Variants in CSMD2 observed in about 807,000 individuals in gnomAD.
The protein encoded by CSMD2 is CUB and Sushi multiple domains 2, also known as CUB and sushi domain-containing protein 2.
In CSMD2, 130 loss-of-function variants were observed where a neutral mutation model predicts 398.5. The ratio of observed to expected loss-of-function variants is 0.33; its 90% CI spans 0.28 to 0.38. The LOEUF (loss-of-function observed/expected upper bound fraction) is 0.38. CSMD2 is among the 10% of genes least tolerant of loss of function. The pLI is 1.00. For missense variants in CSMD2, 3,829 were observed against 4,764.9 expected (o/e 0.80, Z 5.78); for synonymous variants, 1,828 against 1,908.5 (o/e 0.96, Z 1.10).
Position 33,515,587 on chromosome 1 carries a change from C to A in CSMD2, c.*1037G>T, listed in dbSNP as rs79776986. 2 of 152,352 alleles carry A rather than the reference C, an allele frequency of 1.3e-5. No homozygotes were observed. The highest frequency in any genetic ancestry group is 2.1e-4 in the South Asian group (1 of 4,828). 9.4% of individuals were successfully genotyped at this position (152,352 alleles called of 1,614,324 possible). A position where few individuals can be genotyped will look rare whatever the true frequency, so the allele number is the denominator to read the frequency against. On this transcript the variant is annotated 3_prime_UTR_variant, in exon 71 of 71. Coordinates refer to ENST00000373381, the MANE Select transcript of CSMD2 (RefSeq NM_001281956.2). ...TTTCTCATCTGTCAAAGGGGAATAACAAATCCTACATTTTGGTGTTATTGT... is the reference window on the plus strand; with the variant it reads ...TTTCTCATCTGTCAAAGGGGAATAAAAAATCCTACATTTTGGTGTTATTGT...
At chr1:33,672,152 G>C (rs1041998186) in intron 25 of CSMD2, among the ~76,000 whole-genome samples, 2 of 152,210 alleles carry the variant, frequency 1.3e-5, no homozygotes, top group Non-Finnish European at 2.9e-5. Context: ...CACCGTGTGT[G>C]AGCCGAAGCA....
At chr1:33,864,146 C>T (rs1639771308) in intron 5 of CSMD2, 2 of 1,529,294 alleles carry the variant, frequency 1.3e-6, no homozygotes, top group South Asian at 1.3e-5. Context: ...ACAACAGTCT[C>T]TCCTGTCCAC....
At chr1:34,091,952 T>A (rs1331302283) in intron 1 of CSMD2, among the ~76,000 whole-genome samples, 2 of 152,174 alleles carry the variant, frequency 1.3e-5, no homozygotes, top group Admixed American at 1.3e-4. Context: ...GGTTTGTAGA[T>A]GATACATTAA....
At chr1:33,918,058 G>A (rs1346302303) in intron 5 of CSMD2, 36 bp downstream of exon 5, 2 of 1,590,930 alleles carry the variant, frequency 1.3e-6, no homozygotes, top group Admixed American at 1.7e-5. Flanking sequence ...CAGTTGCAGA[G>A]AATAGGGTAG....
rs181289895 is a variant in CSMD2, at chr1:33,836,379, C to T, written c.1033+10505G>A. On this transcript the variant is annotated intron_variant, in intron 6 of 70. Coordinates refer to ENST00000373381, the MANE Select transcript of CSMD2 (RefSeq NM_001281956.2). Reference sequence around the variant, plus strand: ...GCTGCGTGCTGGGAGAACCACTACTCTCTTCAAAGCTGTCAGACAGGGACA... The same window carrying T: ...GCTGCGTGCTGGGAGAACCACTACTTTCTTCAAAGCTGTCAGACAGGGACA... Among the ~76,000 whole-genome samples the T allele has an allele frequency of 6.1e-3, 935 of 152,350 alleles. 8 individuals are homozygous for T. The highest frequency in any genetic ancestry group is 9.9e-3 in the Non-Finnish European group (672 of 68,030).
intron 4 of CSMD2, among the ~76,000 whole-genome samples, chr1:33,930,208 A>G (rs1644267042): frequency 6.6e-6 from 1 of 152,226 alleles, no homozygotes; most frequent in African/African-American, 2.4e-5. Flanking sequence ...GTTGTTGAGT[A>G]GCCAAGTGAA....
chr1:33,667,896 C>A (rs1644367424), intron 25 of CSMD2, among the ~76,000 whole-genome samples: 1 of 152,188 alleles, frequency 6.6e-6, no homozygotes, highest in Admixed American at 6.5e-5. Flanking sequence ...GTGAAGATGA[C>A]AGACAGGGTG....
At position 33,540,599 on chromosome 1, in the gene CSMD2, T is replaced by C. The variant is rs1292880045; in HGVS notation, c.9557A>G (p.Tyr3186Cys). Residue 3186 changes from tyrosine (Y) to cysteine (C), a missense_variant, in exon 60 of 71, where the codon TAC (tyrosine) becomes TGC (cysteine). Tyr to Cys is a radical substitution (Grantham distance 194). This residue lies in a region of CSMD2 where 917 missense variants were observed against 1,199.5 expected (regional missense o/e 0.76). Coordinates refer to ENST00000373381, the MANE Select transcript of CSMD2 (RefSeq NM_001281956.2). ...SSVTYACLEG[Y>C]QLSLPAVFTC... is the part of the protein sequence containing the mutation. ...GAACACCGCGGGCAGGGAGAGCTGG[T>C]ACCCCTCCAGGCAGGCATAAGTCAC... is the stretch of plus-strand genomic sequence containing the variant. 6.2e-7 allele frequency: 1 copy of C among 1,614,182 alleles called. No individual in the cohort carries two copies. The highest frequency in any genetic ancestry group is 8.5e-7 in the Non-Finnish European group (1 of 1,180,042).
intron 3 of CSMD2, among the ~76,000 whole-genome samples, chr1:34,010,325 G>C (rs1339392651): frequency 6.6e-6 from 1 of 152,128 alleles, no homozygotes; most frequent in Admixed American, 6.5e-5. Flanking sequence ...GGGCCTGTAA[G>C]GGAGTTATCA....
intron 5 of CSMD2, among the ~76,000 whole-genome samples, chr1:33,916,281 G>T (rs553918037): frequency 6.6e-6 from 1 of 152,160 alleles, no homozygotes; most frequent in South Asian, 2.1e-4. Context: ...AGGTCAAAGG[G>T]GAGTACATCA....
chr1:34,035,606 C>T (rs1415214256), intron 2 of CSMD2, among the ~76,000 whole-genome samples: 1 of 151,734 alleles, frequency 6.6e-6, no homozygotes, highest in East Asian at 1.9e-4. Context: ...GTAGAAAAAT[C>T]ACATGACCAC....
At chr1:33,604,924 T>C (rs2148817799) in intron 42 of CSMD2, among the ~76,000 whole-genome samples, 1 of 152,322 alleles carries the variant, frequency 6.6e-6, no homozygotes, top group East Asian at 1.9e-4. Context: ...GGATTAACTC[T>C]ACCTCTCTAG....
intron 16 of CSMD2, 42 bp from the exon 17 acceptor site, chr1:33,725,578 CTTA>C (rs1646502706): frequency 1.3e-6 from 2 of 1,596,638 alleles, no homozygotes; most frequent in Non-Finnish European, 1.7e-6. Flanking sequence ...GAAATCCAAG[CTTA>C]TTAATTTGCA....
chr1:34,037,851 G>C (rs920091405), intron 2 of CSMD2, among the ~76,000 whole-genome samples: 7 of 152,160 alleles, frequency 4.6e-5, no homozygotes, highest in Non-Finnish European at 1.0e-4. Context: ...CTAGACCCTA[G>C]TTTCTCGGTA....
At chr1:34,088,198 G>C (rs542174311) in intron 2 of CSMD2, among the ~76,000 whole-genome samples, 1 of 152,210 alleles carries the variant, frequency 6.6e-6, no homozygotes, top group Non-Finnish European at 1.5e-5. Flanking sequence ...TAGCACCTCC[G>C]GCTCCCCAGG....
intron 3 of CSMD2, among the ~76,000 whole-genome samples, chr1:34,020,589 G>A (rs1182147150): frequency 2.0e-5 from 3 of 152,100 alleles, no homozygotes; most frequent in Admixed American, 6.5e-5. Context: ...GGGCAGGCCT[G>A]GAGAACTGTG....
intron 56 of CSMD2, among the ~76,000 whole-genome samples, chr1:33,547,252 A>G (rs1184367443): frequency 6.6e-6 from 1 of 152,222 alleles, no homozygotes; most frequent in Non-Finnish European, 1.5e-5. Flanking sequence ...AGAGAACAGG[A>G]GACAAAGCCA....
At chr1:34,131,007 T>C (rs1253707641) in intron 1 of CSMD2, among the ~76,000 whole-genome samples, 1 of 152,182 alleles carries the variant, frequency 6.6e-6, no homozygotes, top group South Asian at 2.1e-4. Flanking sequence ...AGGTGTTCAA[T>C]AAATGCTTGC....
Position 33,701,750 on chromosome 1 carries a change from T to C in CSMD2, c.3577-1077A>G, listed in dbSNP as rs186680159. ...CTGATAGACTGAGTGAATTCTGGGG[T>C]TCCAACAGACATCAAGATAATACAA... On this transcript the variant is annotated intron_variant, in intron 22 of 70. Transcript: ENST00000373381. Among the ~76,000 whole-genome samples, 5 of 152,280 alleles carry C rather than the reference T, an allele frequency of 3.3e-5. No homozygotes were observed. In the East Asian group the frequency reaches 9.6e-4, roughly 29 times the overall value.
Sources: allele counts gnomAD v4.1 joint callset (sites outside exome capture counted in the v4.1 genomes callset), GRCh38; gene constraint gnomAD v4.1.1; regional missense constraint gnomAD v4.1.1; transcripts MANE v1.5; gene names NCBI Gene and HGNC (gene_info 2026-07-23, HGNC 2026-07-21).